Variants in PLPPR3 observed in about 807,000 individuals in gnomAD.
The protein encoded by PLPPR3 is phospholipid phosphatase-related protein type 3.
A neutral mutation model predicts 27.3 loss-of-function variants in PLPPR3; 14 were observed. The observed-to-expected ratio is 0.51, with a 90% CI of 0.34 to 0.80. PLPPR3 has a LOEUF of 0.80. Ranked by LOEUF, PLPPR3 falls within the 30% of genes least tolerant of loss-of-function variation. The probability of loss-of-function intolerance (pLI) is 0.01; values close to 1 mark genes in which losing one functional copy is unlikely to be tolerated. For synonymous variants in PLPPR3, 671 were observed against 508.0 expected (o/e 1.32, Z -4.32); for missense variants, 1,287 against 1,056.9 (o/e 1.22, Z -3.02).
intron 2 of PLPPR3, among the ~76,000 whole-genome samples, chr19:818,588 C>CAG (rs2035097789): frequency 6.6e-6 from 1 of 151,948 alleles, no homozygotes; most frequent in East Asian, 2.0e-4. Context: ...GGCTGGAGTG[C>CAG]AGTGGCGCGA....
At chr19:815,872 A>AG (rs1463947536) in intron 2 of PLPPR3, 21 bp from the exon 3 acceptor site, 1 of 1,609,218 alleles carries the variant, frequency 6.2e-7, no homozygotes, top group South Asian at 1.1e-5. Context: ...AAGGTGGGCC[A>AG]GGTTCACCCT....
chr19:818,820 A>G (rs1033344211), intron 2 of PLPPR3, among the ~76,000 whole-genome samples: 4 of 151,994 alleles, frequency 2.6e-5, no homozygotes, highest in Non-Finnish European at 5.9e-5. Flanking sequence ...GGCGTGAGCC[A>G]CCACGCACAG....
At position 815,805 on chromosome 19, in the gene PLPPR3, A is replaced by G; in HGVS notation, c.122T>C (p.Leu41Pro). The G allele has an allele frequency of 6.2e-7, 1 of 1,612,832 alleles. No individual in the cohort carries two copies. The highest frequency in any genetic ancestry group is 8.5e-7 in the Non-Finnish European group (1 of 1,179,908). ...SSIVSLYFLE[L>P]TDLFKPAKVG... ...CTTGGCCGGCTTGAAGAGGTCGGTC[A>G]GCTCCAGGAAGTACAAGGATACGAT... The change falls in exon 3 of 8, where the codon CTG becomes CCG. Residue 41 changes from leucine to proline, a missense_variant. Transcript: ENST00000520876.
chr19:812,540 C>CCGG lies in PLPPR3; in HGVS notation c.*29_*30insCCG. 123 of 934,616 alleles carry CCGG rather than the reference C, an allele frequency of 1.3e-4. No individual in the cohort carries two copies. Among genetic ancestry groups the CCGG allele is most frequent in the East Asian group, 2.2e-4 (2 of 9,260 alleles). The allele number at this position is 934,616 out of a possible 1,614,324, so 57.9% of individuals were successfully genotyped here. On this transcript the variant is annotated 3_prime_UTR_variant, in exon 8 of 8. Coordinates refer to ENST00000520876, the MANE Select transcript of PLPPR3 (RefSeq NM_001270366.2). ...CGCGCGGCCGCCCGCGCCCTCGGCC[C>CCGG]GCCCCCCGCCCGCCCCCGGCCCCGC...
chr19:818,994 T>G (rs1272367728), intron 2 of PLPPR3, among the ~76,000 whole-genome samples: 2 of 89,948 alleles, frequency 2.2e-5, no homozygotes, highest in African/African-American at 5.4e-5. Context: ...TATTATTTTT[T>G]GAGATGGAGT....
At position 813,605 on chromosome 19, in the gene PLPPR3, G is replaced by C; in HGVS notation, c.1122C>G (p.Ser374Arg). The C allele has an allele frequency of 6.5e-7, 1 of 1,547,142 alleles. No homozygotes were observed. Among genetic ancestry groups the C allele is most frequent in the Non-Finnish European group, 8.7e-7 (1 of 1,147,488 alleles). Residue 374 changes from serine to arginine, a missense_variant, in exon 8 of 8, where the codon AGC becomes AGG. Physicochemically the swap from Ser to Arg is moderately radical, Grantham distance 110. Coordinates refer to ENST00000520876, the MANE Select transcript of PLPPR3 (RefSeq NM_001270366.2). This position sits in a 1 kb window ranked among gnomAD's most constrained non-coding sequence, Gnocchi z 4.1. ...GCGCGCTGGCCCTGGGCAGCGTGTGGCTGAAGGTCACCATGTTCTCCTTGG... is the reference window on the plus strand; with the variant it reads ...GCGCGCTGGCCCTGGGCAGCGTGTGCCTGAAGGTCACCATGTTCTCCTTGG... ...PMAKENMVTF[S>R]HTLPRASAPS... is the part of the protein sequence containing the mutation.
chr19:818,596 C>T lies in PLPPR3; in HGVS notation c.76-2745G>A, dbSNP rs771551318. ...TCGCCCAGGCTGGAGTGCAGTGGCG[C>T]GATCTCGGCTCACTGCAAGCTCCAC... On this transcript the variant is annotated intron_variant, in intron 2 of 7. Transcript: ENST00000520876. Among the ~76,000 whole-genome samples the T allele has an allele frequency of 4.0e-5, 6 of 151,860 alleles. No individual in the cohort carries two copies. In the South Asian group the frequency reaches 8.3e-4, roughly 21 times the overall value.
Position 813,428 on chromosome 19 carries a change from G to T in PLPPR3, c.1299C>A (p.Arg433=), listed in dbSNP as rs1439048623. 1.3e-6 allele frequency: 2 copies of T among 1,510,450 alleles called. No individual in the cohort carries two copies. The highest frequency in any genetic ancestry group is 2.2e-5 in the Admixed American group (1 of 45,490). 93.6% of individuals were successfully genotyped at this position (1,510,450 alleles called of 1,614,324 possible). The change falls in exon 8 of 8, where the codon CGC becomes CGA. Residue 433 remains arginine (R), a synonymous_variant. Transcript: ENST00000520876. This position sits in a 1 kb window ranked among gnomAD's most constrained non-coding sequence, Gnocchi z 4.1. The stretch of plus-strand genomic sequence containing the variant: ...CCTCCGCCATGGGTTCGGCGGGCGC[G>T]CGCAGGTGCCCGGGGCTGGCGTCGT... ...LPDDASPGHL[R]APAEPMAEEE...
rs764859392 is a variant in PLPPR3, at chr19:815,207, G to A, written c.382C>T (p.Arg128Trp). ...AGGCNFNSFL[R>W]RTVRFVGVHV... The stretch of plus-strand genomic sequence containing the variant: ...TCACCCACAAACCGCACCGTACGCC[G>A]CAGGAAGGAGTTGAAGTTGCAGCCG... The change falls in exon 4 of 8, where the codon CGG becomes TGG. Residue 128 changes from arginine to tryptophan, a missense_variant. Physicochemically the swap from Arg to Trp is moderately radical, Grantham distance 101. Transcript: ENST00000520876. 27 of 1,601,928 alleles carry A rather than the reference G, an allele frequency of 1.7e-5. No homozygotes were observed. Among genetic ancestry groups the A allele is most frequent in the East Asian group, 6.8e-5 (3 of 44,414 alleles).
In PLPPR3 at chr19:812,669, C is replaced by A; in HGVS notation, c.2058G>T (p.Leu686=). 1 of 1,054,756 alleles carries A rather than the reference C, an allele frequency of 9.5e-7. No homozygotes were observed. The highest frequency in any genetic ancestry group is 3.6e-5 in the South Asian group (1 of 28,124). 65.3% of individuals were successfully genotyped at this position (1,054,756 alleles called of 1,614,324 possible). ...ALGPGSREST[L]RRHAGGLGLA... ...GCCCCAGGCCGCCCGCGTGGCGCCG[C>A]AGCGTGGACTCCCGGCTGCCCGGGC... is the stretch of plus-strand genomic sequence containing the variant. The change falls in exon 8 of 8, where the codon CTG becomes CTT. Residue 686 remains leucine (L), a synonymous_variant. Transcript: ENST00000520876.
Position 814,590 on chromosome 19 carries a change from G to A in PLPPR3, c.675C>T (p.Val225=). The stretch of plus-strand genomic sequence containing the variant: ...TCAGCAGCTTGGTGGTGTCCGAGAT[G>A]ACCGAGTTGAAGTACATCTGGGGCA... The part of the protein sequence containing the change: ...AVYVSMYFNS[V]ISDTTKLLKP... Residue 225 remains valine, a synonymous_variant, in exon 7 of 8, where the codon GTC becomes GTT. Transcript: ENST00000520876. 6.2e-7 allele frequency: 1 copy of A among 1,612,152 alleles called. No homozygotes were observed. The highest frequency in any genetic ancestry group is 8.5e-7 in the Non-Finnish European group (1 of 1,179,988).
intron 2 of PLPPR3, among the ~76,000 whole-genome samples, chr19:821,176 G>A (rs977894725): frequency 2.7e-4 from 3 of 10,960 alleles, no homozygotes; most frequent in East Asian, 2.8e-3. Flanking sequence ...CGGCCTCCCC[G>A]CCCCCTCCAG....
intron 2 of PLPPR3, among the ~76,000 whole-genome samples, chr19:816,888 C>T (rs539017119): frequency 6.6e-6 from 1 of 151,608 alleles, no homozygotes; most frequent in East Asian, 1.9e-4. Flanking sequence ...AGCCATCCAT[C>T]TATCCACCCA....
At chr19:823,161 G>A (rs1398996195), upstream of PLPPR3, among the ~76,000 whole-genome samples, 1 of 151,294 alleles carries the variant, frequency 6.6e-6, no homozygotes, top group Non-Finnish European at 1.5e-5. Context: ...TGACTTCCAG[G>A]CTGGGTGCAG....
Position 813,201 on chromosome 19 carries a change from G to C in PLPPR3, c.1526C>G (p.Pro509Arg). ...GGCGCGCACCCCGGCGCCGCTTTTG[G>C]GGGACAGGCCGGCCCCCGTCTGCGC... Reference protein sequence around the residue: ...EGAQTGAGLSPKSGAGVRAKW... With the variant: ...EGAQTGAGLSRKSGAGVRAKW... Residue 509 changes from proline (P) to arginine (R), a missense_variant, in exon 8 of 8, where the codon CCC (proline) becomes CGC (arginine). Physicochemically the swap from Pro to Arg is moderately radical, Grantham distance 103 (BLOSUM62 -2). Transcript: ENST00000520876. This position sits in a 1 kb window ranked among gnomAD's most constrained non-coding sequence, Gnocchi z 4.1. 6.6e-7 allele frequency: 1 copy of C among 1,506,566 alleles called. No individual in the cohort carries two copies. The highest frequency in any genetic ancestry group is 2.7e-5 in the East Asian group (1 of 37,128). 93.3% of individuals were successfully genotyped at this position (1,506,566 alleles called of 1,614,324 possible).
chr19:812,837 G>A lies in PLPPR3; in HGVS notation c.1890C>T (p.Gly630=), dbSNP rs1402422213. 4.7e-5 allele frequency: 52 copies of A among 1,117,790 alleles called. No homozygotes were observed. Among genetic ancestry groups the A allele is most frequent in the Non-Finnish European group, 5.7e-5 (52 of 912,998 alleles). The allele number at this position is 1,117,790 out of a possible 1,614,324, so 69.2% of individuals were successfully genotyped here. A position where few individuals can be genotyped will look rare whatever the true frequency, so the allele number is the denominator to read the frequency against. ...ELGDLARGFR[G]GAKPPGVSPG... ...GGGACACGCCCGGGGGCTTGGCCCC[G>A]CCGCGGAAGCCGCGCGCCAGGTCCC... Residue 630 remains glycine, a synonymous_variant, in exon 8 of 8, where the codon GGC becomes GGT. Transcript: ENST00000520876.
chr19:815,552 C>A, intron 3 of PLPPR3, 114 bp downstream of exon 3: 1 of 1,229,156 alleles, frequency 8.1e-7, no homozygotes, highest in South Asian at 1.5e-5. Flanking sequence ...TGGCACAGGC[C>A]CCGGTGTGGA....
In PLPPR3 at chr19:812,497, G is replaced by A. The variant is rs1448858667; in HGVS notation, c.*73C>T. The A allele has an allele frequency of 4.1e-6, 4 of 978,044 alleles. No homozygotes were observed. Among genetic ancestry groups the A allele is most frequent in the East Asian group, 1.1e-4 (1 of 9,046 alleles). 60.6% of individuals were successfully genotyped at this position (978,044 alleles called of 1,614,324 possible). ...GACCAAGAGCCGGACCTCGGTTTCT[G>A]CCGCTTTATTGAGCATCCGCGCGGC... On this transcript the variant is annotated 3_prime_UTR_variant, in exon 8 of 8. Transcript: ENST00000520876.
In PLPPR3 at chr19:812,576, G is replaced by T. The variant is rs1403418521; in HGVS notation, c.2151C>A (p.Pro717=). 9.6e-7 allele frequency: 1 copy of T among 1,040,216 alleles called. No homozygotes were observed. The allele number at this position is 1,040,216 out of a possible 1,614,324, so 64.4% of individuals were successfully genotyped here. ...YFRKMQARRF[P]D Reference sequence around the variant, plus strand: ...CGCCCCCGGCCCCGCCGCGCTAGTCGGGGAAGCGGCGCGCCTGCATCTTGC... The same window carrying T: ...CGCCCCCGGCCCCGCCGCGCTAGTCTGGGAAGCGGCGCGCCTGCATCTTGC... The change falls in exon 8 of 8, where the codon CCC becomes CCA. Residue 717 remains proline (P), a synonymous_variant. Transcript: ENST00000520876.
Sources: gnomAD v4.1 joint callset for allele counts (sites outside exome capture counted in the v4.1 genomes callset) on GRCh38, gnomAD v4.1.1 for gene constraint, Gnocchi (gnomAD v3.1) non-coding constraint, MANE v1.5 for transcripts, NCBI Gene and HGNC (gene_info 2026-07-23, HGNC 2026-07-21) for gene names.